PDZD2: variants seen among roughly 807,000 people sequenced by gnomAD.
PDZD2 encodes PDZ domain containing 2.
PDZD2 carries 90 observed loss-of-function variants against 220.7 expected under a neutral mutation model. The observed-to-expected ratio is 0.41, with a 90% confidence interval of 0.34 to 0.49. The LOEUF is 0.49. Among genes scored for constraint, PDZD2 ranks in the 20% least tolerant of loss-of-function variants. The pLI is 0.28. For synonymous variants in PDZD2, 1,375 were observed against 1,450.5 expected, an observed-to-expected ratio of 0.95 and a Z score of 1.18; for missense variants, 3,174 against 3,608.5, an observed-to-expected ratio of 0.88 and a Z score of 3.08.
At position 32,034,824 on chromosome 5, in the gene PDZD2, A is replaced by G. The variant is rs1755409165; in HGVS notation, c.1408-2407A>G. On this transcript the variant is annotated intron_variant, in intron 6 of 24. Coordinates refer to ENST00000438447, the MANE Select transcript of PDZD2 (RefSeq NM_178140.4). ...ATTTGTATGTGGCCCAGAGCTCAGG[A>G]TGTCTCAGAGATGGCTCTTTCTTCT... 3.3e-5 allele frequency among the ~76,000 whole-genome samples: 5 copies of G among 152,116 alleles called. No individual in the cohort carries two copies. The South Asian group carries it at 1.0e-3, about 32-fold the overall frequency.
chr5:31,676,513 A>G (rs1412947644), intron 1 of PDZD2, among the ~76,000 whole-genome samples: 1 of 151,876 alleles, frequency 6.6e-6, no homozygotes, highest in Non-Finnish European at 1.5e-5. Context: ...TAGGAAGATG[A>G]GCAGAAATAT....
chr5:31,849,035 C>G (rs771562014), intron 2 of PDZD2, among the ~76,000 whole-genome samples: 1 of 152,044 alleles, frequency 6.6e-6, no homozygotes, highest in African/African-American at 2.4e-5. Context: ...GGCGACAGAG[C>G]GAGACTCCAT....
At chr5:32,013,382 A>T (rs1403518609) in intron 6 of PDZD2, among the ~76,000 whole-genome samples, 1 of 150,922 alleles carries the variant, frequency 6.6e-6, no homozygotes, top group Non-Finnish European at 1.5e-5. Context: ...TGCTTAGTCA[A>T]AGGTTTTTTT....
intron 2 of PDZD2, among the ~76,000 whole-genome samples, chr5:31,967,487 C>T (rs1190029729): frequency 6.6e-6 from 1 of 152,160 alleles, no homozygotes; most frequent in African/African-American, 2.4e-5. Flanking sequence ...AGTGGAGGAA[C>T]ATGGGAGATG....
At chr5:31,841,108 T>A (rs993811798) in intron 2 of PDZD2, 1 of 212,408 alleles carries the variant, frequency 4.7e-6, no homozygotes, top group African/African-American at 2.3e-5. Flanking sequence ...CAGTAAGGCA[T>A]AAAGAAGAAA....
intron 6 of PDZD2, among the ~76,000 whole-genome samples, chr5:32,016,758 A>G (rs1181008655): frequency 6.6e-6 from 1 of 152,028 alleles, no homozygotes; most frequent in Non-Finnish European, 1.5e-5. Context: ...TATTTATGTA[A>G]CTTCAGGATT....
intron 1 of PDZD2, among the ~76,000 whole-genome samples, chr5:31,674,782 A>G (rs1238508353): frequency 6.6e-6 from 1 of 151,930 alleles, no homozygotes; most frequent in Non-Finnish European, 1.5e-5. Flanking sequence ...TGTGGCGGGT[A>G]TGGTACTGTG....
intron 2 of PDZD2, among the ~76,000 whole-genome samples, chr5:31,808,720 T>A (rs138237013): frequency 2.6e-5 from 4 of 152,312 alleles, no homozygotes; most frequent in African/African-American, 9.6e-5. Flanking sequence ...CTCATGCCTG[T>A]AATGCCAGCA....
intron 1 of PDZD2, among the ~76,000 whole-genome samples, chr5:31,699,179 C>T (rs1194804260): frequency 6.6e-6 from 1 of 152,094 alleles, no homozygotes; most frequent in African/African-American, 2.4e-5. Flanking sequence ...CGTACCCAAC[C>T]CGTCCCGTTC....
At position 32,074,482 on chromosome 5, in the gene PDZD2, C is replaced by G. The variant is rs771071765; in HGVS notation, c.3376C>G (p.Pro1126Ala). The G allele has an allele frequency of 5.6e-6, 9 of 1,614,212 alleles. No individual in the cohort carries two copies. The highest frequency in any genetic ancestry group is 5.9e-6 in the Non-Finnish European group (7 of 1,180,042). Reference sequence around the variant, plus strand: ...GCACAGACCAGTGGCCAGGGTAAGCCCCCACTGCAAGAGATCCGAGGCTGA... The same window carrying G: ...GCACAGACCAGTGGCCAGGGTAAGCGCCCACTGCAAGAGATCCGAGGCTGA... ...SRHRPVARVS[P>A]HCKRSEAEAK... Residue 1126 changes from proline to alanine, a missense_variant, in exon 18 of 25, where the codon CCC (proline) becomes GCC (alanine). Transcript: ENST00000438447.
chr5:31,703,952 TC>T (rs1747707990), intron 1 of PDZD2, among the ~76,000 whole-genome samples: 2 of 129,542 alleles, frequency 1.5e-5, no homozygotes, highest in African/African-American at 2.6e-5. Context: ...TCTCTTTCTC[TC>T]TCTTTCTCTC....
At chr5:32,002,954 CCACACACACACCAA>C (rs1184592702) in intron 5 of PDZD2, among the ~76,000 whole-genome samples, 7 of 116,788 alleles carry the variant, frequency 6.0e-5, no homozygotes, top group African/African-American at 7.0e-5. Context: ...CACACACACA[CCACACACACACCAA>C]CACACACACA....
intron 6 of PDZD2, among the ~76,000 whole-genome samples, chr5:32,033,571 C>A (rs1755287060): frequency 6.6e-6 from 1 of 151,984 alleles, no homozygotes; most frequent in Non-Finnish European, 1.5e-5. Flanking sequence ...TCTCTAGGTC[C>A]ATTCTTACTG....
At chr5:31,809,565 G>A (rs1754968509) in intron 2 of PDZD2, among the ~76,000 whole-genome samples, 1 of 152,180 alleles carries the variant, frequency 6.6e-6, no homozygotes, top group South Asian at 2.1e-4. Flanking sequence ...TGACAGAGGG[G>A]AGTTATTCGT....
intron 15 of PDZD2, among the ~76,000 whole-genome samples, 195 bp downstream of exon 15, chr5:32,069,845 G>T (rs1033131521): frequency 3.3e-5 from 5 of 152,198 alleles, no homozygotes; most frequent in African/African-American, 1.2e-4. Flanking sequence ...CTTCATTAAA[G>T]ATCTAATCAT....
At chr5:32,103,157 G>A (rs952945886) in intron 24 of PDZD2, among the ~76,000 whole-genome samples, 17 of 152,168 alleles carry the variant, frequency 1.1e-4, no homozygotes, top group Non-Finnish European at 1.9e-4. Context: ...TCATGACTAA[G>A]AATTTTCCAG....
At chr5:31,862,100 G>GGTT (rs374975463) in intron 2 of PDZD2, among the ~76,000 whole-genome samples, 2,329 of 80,230 alleles carry the variant, frequency 0.029, 135 homozygotes, top group South Asian at 0.046. Flanking sequence ...TTTTTTTTTG[G>GGTT]GTTTTTTTTT....
chr5:31,738,399 G>A (rs1212047518), intron 1 of PDZD2: 1 of 152,316 alleles, frequency 6.6e-6, no homozygotes, highest in Non-Finnish European at 1.5e-5. Context: ...GCTTCAGAAG[G>A]CTGCAGGCAG....
At chr5:31,647,480 A>G (rs1745178344) in intron 1 of PDZD2, among the ~76,000 whole-genome samples, 4 of 152,160 alleles carry the variant, frequency 2.6e-5, no homozygotes, top group African/African-American at 9.7e-5. Context: ...TCCTTCTGGA[A>G]GCTCTAGGGG....
Sources: gnomAD v4.1 joint callset for allele counts (sites outside exome capture counted in the v4.1 genomes callset) on GRCh38, gnomAD v4.1.1 for gene constraint, MANE v1.5 for transcripts, NCBI Gene and HGNC (gene_info 2026-07-23, HGNC 2026-07-21) for gene names.